The following FRMPD4 variants were observed in gnomAD, a reference collection of about 807,000 sequenced individuals.
FRMPD4 encodes the protein FERM and PDZ domain containing 4, also known as FERM and PDZ domain-containing protein 4.
In FRMPD4, 22 loss-of-function variants were observed where a neutral mutation model predicts 94.1. That is an observed-to-expected ratio of 0.23 (90% CI 0.17 to 0.33). The LOEUF is 0.33. Among genes scored for constraint, FRMPD4 ranks in the 10% least tolerant of loss-of-function variants. FRMPD4 has a pLI of 1.00. For missense variants in FRMPD4, 1,111 were observed against 1,339.9 expected (o/e 0.83, Z 2.67); for synonymous variants, 631 against 548.6 (o/e 1.15, Z -2.10).
intron 14 of FRMPD4, among the ~76,000 whole-genome samples, chrX:12,712,214 C>A (rs1228607201): frequency 3.9e-5 from 3 of 77,570 alleles, no homozygotes; most frequent in African/African-American, 1.4e-4. Flanking sequence ...TAATAATTAG[C>A]AGTGAAAAAA....
At chrX:12,109,694 G>T (rs2055337489) in intron 3 of FRMPD4, among the ~76,000 whole-genome samples, 1 of 111,355 alleles carries the variant, frequency 9.0e-6, no homozygotes, top group Admixed American at 9.5e-5. Context: ...AATAAGAAAA[G>T]AGGGGAGAAT....
At chrX:12,573,479 C>T (rs965233726) in intron 2 of FRMPD4, among the ~76,000 whole-genome samples, 1 of 112,064 alleles carries the variant, frequency 8.9e-6, no homozygotes, top group Admixed American at 9.4e-5. Flanking sequence ...GAGACCAAGT[C>T]CCCAAAACTG....
intron 3 of FRMPD4, among the ~76,000 whole-genome samples, chrX:11,981,679 T>C (rs919457992): frequency 8.9e-6 from 1 of 111,938 alleles, no homozygotes; most frequent in Admixed American, 9.5e-5. Flanking sequence ...ATTAATGATA[T>C]ACTTTGATTA....
chrX:12,621,946 G>A (rs973815750), intron 4 of FRMPD4, among the ~76,000 whole-genome samples: 7 of 91,150 alleles, frequency 7.7e-5, no homozygotes, highest in South Asian at 5.6e-4. Context: ...GAAAGAAAGA[G>A]AGAGAGAGAG....
chrX:12,495,692 TCAC>T (rs1191797275), intron 1 of FRMPD4, among the ~76,000 whole-genome samples: 1 of 111,049 alleles, frequency 9.0e-6, no homozygotes, highest in Admixed American at 9.6e-5. Context: ...CTGCTCTTGA[TCAC>T]CACATCCTTC....
At chrX:12,194,280 A>G (rs999054596) in intron 1 of FRMPD4, among the ~76,000 whole-genome samples, 8 of 111,357 alleles carry the variant, frequency 7.2e-5, no homozygotes, top group African/African-American at 2.6e-4. Context: ...GCAGATTTAG[A>G]TAACACGTTT....
At chrX:12,403,934 T>G (rs1356502916) in intron 1 of FRMPD4, among the ~76,000 whole-genome samples, 1 of 111,958 alleles carries the variant, frequency 8.9e-6, no homozygotes, top group African/African-American at 3.2e-5. Context: ...GCCTCTGACC[T>G]CAGCCTAATA....
At chrX:12,475,097 C>T (rs2057576243) in intron 1 of FRMPD4, among the ~76,000 whole-genome samples, 1 of 111,796 alleles carries the variant, frequency 8.9e-6, no homozygotes, top group African/African-American at 3.3e-5. Flanking sequence ...AGCAGCACAT[C>T]AAAAAGCTTA....
chrX:12,106,565 G>A (rs139793419), intron 3 of FRMPD4, among the ~76,000 whole-genome samples: 408 of 111,124 alleles, frequency 3.7e-3, no homozygotes, highest in Non-Finnish European at 5.6e-3. Flanking sequence ...GCAGGACAGT[G>A]GGTGCAGCCC....
intron 3 of FRMPD4, among the ~76,000 whole-genome samples, chrX:11,898,356 G>A (rs2053915935): frequency 9.0e-6 from 1 of 111,465 alleles, no homozygotes; most frequent in Admixed American, 9.5e-5. Flanking sequence ...CTTCTCTCAG[G>A]TGCTGCTTGT....
intron 1 of FRMPD4, among the ~76,000 whole-genome samples, chrX:12,289,578 C>CT (rs907496912): frequency 9.0e-6 from 1 of 111,401 alleles, no homozygotes; most frequent in African/African-American, 3.3e-5. Flanking sequence ...CCAGTCTTGC[C>CT]TTTTTTTAAT....
chrX:12,571,848 A>G (rs1221742618), intron 2 of FRMPD4, among the ~76,000 whole-genome samples: 2 of 112,545 alleles, frequency 1.8e-5, no homozygotes, highest in Non-Finnish European at 3.8e-5. Context: ...TGAAGCTTTC[A>G]TTTGCTTCAA....
chrX:12,425,795 A>T (rs1252013381), intron 1 of FRMPD4, among the ~76,000 whole-genome samples: 1 of 112,158 alleles, frequency 8.9e-6, no homozygotes, highest in Non-Finnish European at 1.9e-5. Context: ...TACAGTCTTG[A>T]TTGCTTAGTG....
At chrX:12,415,405 A>G (rs2056787555) in intron 1 of FRMPD4, among the ~76,000 whole-genome samples, 1 of 111,650 alleles carries the variant, frequency 9.0e-6, no homozygotes, top group Non-Finnish European at 1.9e-5. Flanking sequence ...AGTTGGAAAA[A>G]AAATCTCATT....
intron 1 of FRMPD4, among the ~76,000 whole-genome samples, chrX:11,832,294 G>A (rs1239056626): frequency 9.0e-6 from 1 of 111,610 alleles, no homozygotes; most frequent in Non-Finnish European, 1.9e-5. Flanking sequence ...TATCTAATGG[G>A]CAATAACTAT....
At chrX:11,866,772 T>A (rs2053721824) in intron 2 of FRMPD4, among the ~76,000 whole-genome samples, 1 of 111,644 alleles carries the variant, frequency 9.0e-6, no homozygotes, top group South Asian at 3.7e-4. Context: ...ATTATAGTGG[T>A]TTGTTTTCTT....
chrX:11,965,261 AG>A (rs2054304272), intron 3 of FRMPD4, among the ~76,000 whole-genome samples: 1 of 112,322 alleles, frequency 8.9e-6, no homozygotes, highest in Non-Finnish European at 1.9e-5. Flanking sequence ...CCAAGAGGAC[AG>A]GTCTACATGT....
intron 13 of FRMPD4, among the ~76,000 whole-genome samples, chrX:12,707,887 G>C (rs2041908765): frequency 8.9e-6 from 1 of 112,226 alleles, no homozygotes; most frequent in Admixed American, 9.4e-5. Context: ...TCATACGTGA[G>C]AAAGCAAGCT....
intron 3 of FRMPD4, among the ~76,000 whole-genome samples, chrX:12,069,965 A>G (rs989078676): frequency 8.9e-6 from 1 of 111,822 alleles, no homozygotes; most frequent in African/African-American, 3.3e-5. Context: ...AATAGTAGAC[A>G]GGAAGAGGAG....
Sources: gnomAD v4.1 joint callset for allele counts (sites outside exome capture counted in the v4.1 genomes callset) on GRCh38, gnomAD v4.1.1 for gene constraint, MANE v1.5 for transcripts, NCBI Gene and HGNC (gene_info 2026-07-23, HGNC 2026-07-21) for gene names.